The following POTEC variants were observed in gnomAD, a reference collection of about 807,000 sequenced individuals.
POTEC encodes ANKRD26-like family B member 2.
POTEC carries 35 observed loss-of-function variants against 62.0 expected under a neutral mutation model. That is an observed-to-expected ratio of 0.56 (90% confidence interval 0.43 to 0.75). POTEC has a LOEUF of 0.75. Ranked by LOEUF, POTEC falls within the 30% of genes least tolerant of loss-of-function variation. The probability of loss-of-function intolerance (pLI) is 0.00; values close to 1 mark genes in which losing one functional copy is unlikely to be tolerated. For synonymous variants in POTEC, 156 were observed against 221.5 expected, an observed-to-expected ratio of 0.70 and a Z score of 2.62; for missense variants, 472 against 655.9, an observed-to-expected ratio of 0.72 and a Z score of 3.06.
chr18:14,542,423 T>C (rs1248690625), intron 1 of POTEC, among the ~76,000 whole-genome samples: 10 of 152,194 alleles, frequency 6.6e-5, no homozygotes, highest in Non-Finnish European at 1.0e-4. Flanking sequence ...AGGGAAATTA[T>C]AATTGGATTG....
In POTEC at chr18:14,537,222, A is replaced by C. The variant is rs995787169; in HGVS notation, c.810+579T>G. On this transcript the variant is annotated intron_variant, in intron 3 of 10. Coordinates refer to ENST00000358970, the MANE Select transcript of POTEC (RefSeq NM_001137671.2). Reference sequence around the variant, plus strand: ...ACACACACACACACAAAAAAAAAAAAAAACAAAAAAAAACCTCTTCATGGT... The same window carrying C: ...ACACACACACACACAAAAAAAAAAACAAACAAAAAAAAACCTCTTCATGGT... Among the ~76,000 whole-genome samples the C allele has an allele frequency of 6.4e-3, 778 of 121,648 alleles. 16 individuals carry two copies. Among genetic ancestry groups the C allele is most frequent in the East Asian group, 0.035 (132 of 3,780 alleles). 79.8% of individuals were successfully genotyped at this position (121,648 alleles called of 152,430 possible).
chr18:14,535,717 AG>A (rs1052403397), intron 3 of POTEC, among the ~76,000 whole-genome samples: 18 of 152,200 alleles, frequency 1.2e-4, no homozygotes, highest in African/African-American at 4.1e-4. Flanking sequence ...TTGAAAAAAA[AG>A]GTTTAGAATT....
chr18:14,542,601 C>T (rs1905977165), intron 1 of POTEC, 25 bp downstream of exon 1: 1 of 1,612,000 alleles, frequency 6.2e-7, no homozygotes, highest in South Asian at 1.1e-5. Context: ...CATGTCCCGC[C>T]TCCTCCCATC....
At chr18:14,522,086 T>C (rs1418480310) in intron 9 of POTEC, among the ~76,000 whole-genome samples, 168 bp downstream of exon 9, 1 of 151,140 alleles carries the variant, frequency 6.6e-6, no homozygotes, top group Non-Finnish European at 1.5e-5. Context: ...AATTAATGAC[T>C]GGAAAAAACA....
chr18:14,533,748 C>G (rs1299565096), intron 4 of POTEC, among the ~76,000 whole-genome samples: 2 of 152,120 alleles, frequency 1.3e-5, no homozygotes, highest in African/African-American at 4.8e-5. Context: ...ATATATTCTC[C>G]TACTTTTCAC....
At chr18:14,534,293 T>C (rs1386742287) in intron 4 of POTEC, among the ~76,000 whole-genome samples, 2 of 151,536 alleles carry the variant, frequency 1.3e-5, no homozygotes. Context: ...CACTTAAAAC[T>C]ATCTTCACTC....
intron 9 of POTEC, among the ~76,000 whole-genome samples, chr18:14,516,860 T>A (rs1910176708): frequency 6.6e-6 from 1 of 151,724 alleles, no homozygotes; most frequent in Non-Finnish European, 1.5e-5. Flanking sequence ...TTAAATGAGG[T>A]AAAGTTGTAT....
At chr18:14,521,929 A>T (rs931030427) in intron 9 of POTEC, among the ~76,000 whole-genome samples, 1 of 152,164 alleles carries the variant, frequency 6.6e-6, no homozygotes, top group African/African-American at 2.4e-5. Context: ...TGGCTGATGA[A>T]ATAATCTGTA....
intron 6 of POTEC, among the ~76,000 whole-genome samples, chr18:14,527,426 G>A (rs1452678978): frequency 6.6e-6 from 1 of 152,046 alleles, no homozygotes; most frequent in East Asian, 1.9e-4. Context: ...GGCACTCTAG[G>A]ACTGACTTTG....
Position 14,514,705 on chromosome 18 carries a change from G to A in POTEC, c.1410-920C>T, listed in dbSNP as rs1598476214. 7.3e-5 allele frequency among the ~76,000 whole-genome samples: 11 copies of A among 151,352 alleles called. No homozygotes were observed. The South Asian group carries it at 2.3e-3, about 32-fold the overall frequency. On this transcript the variant is annotated intron_variant, in intron 9 of 10. Transcript: ENST00000358970. Reference sequence around the variant, plus strand: ...AAGAAGAAAACTGGGAAGCCCTAAGGCAGAGCAATTGGGCAAGAGAAATAA... The same window carrying A: ...AAGAAGAAAACTGGGAAGCCCTAAGACAGAGCAATTGGGCAAGAGAAATAA...
chr18:14,515,102 T>C (rs79021445), intron 9 of POTEC, among the ~76,000 whole-genome samples: 23,423 of 151,896 alleles, frequency 0.15, 2,249 homozygotes, highest in East Asian at 0.44. Context: ...ACTGAAAGCA[T>C]TGATATTGTG....
chr18:14,542,205 T>C (rs191148745), intron 1 of POTEC, among the ~76,000 whole-genome samples: 3 of 152,368 alleles, frequency 2.0e-5, no homozygotes, highest in East Asian at 3.9e-4. Flanking sequence ...CGTATTTACA[T>C]AGGGCACATC....
At chr18:14,531,096 G>A (rs945207917) in intron 5 of POTEC, among the ~76,000 whole-genome samples, 4 of 152,066 alleles carry the variant, frequency 2.6e-5, no homozygotes, top group African/African-American at 7.2e-5. Context: ...ATATGCAAAT[G>A]CTGTAGTTTT....
intron 6 of POTEC, among the ~76,000 whole-genome samples, chr18:14,526,810 A>C (rs1910449204): frequency 6.6e-6 from 1 of 152,128 alleles, no homozygotes; most frequent in South Asian, 2.1e-4. Context: ...ATTAACGTTC[A>C]AGAGTGGTCC....
At chr18:14,541,898 C>T (rs1905945700) in intron 1 of POTEC, among the ~76,000 whole-genome samples, 1 of 152,174 alleles carries the variant, frequency 6.6e-6, no homozygotes. Flanking sequence ...CTATTCTGTT[C>T]TGTTCATTTA....
At position 14,530,424 on chromosome 18, in the gene POTEC, C is replaced by T. The variant is rs1482071155; in HGVS notation, c.1126+59G>A. On this transcript the variant is annotated intron_variant, in intron 6 of 10. Coordinates refer to ENST00000358970, the MANE Select transcript of POTEC (RefSeq NM_001137671.2). The stretch of plus-strand genomic sequence containing the variant: ...ACACTGTCTTCCACAAAACTGGTCC[C>T]TGCTGCCAAAAACATTGTGGACAAC... The T allele has an allele frequency of 1.9e-6, 3 of 1,598,590 alleles. No individual in the cohort carries two copies. The African/African-American group carries it at 4.0e-5, about 21-fold the overall frequency.
chr18:14,525,655 T>C (rs557800865), intron 6 of POTEC, among the ~76,000 whole-genome samples: 2 of 151,892 alleles, frequency 1.3e-5, no homozygotes, highest in East Asian at 2.0e-4. Flanking sequence ...AGTTTGCCTA[T>C]ATAAGCCAAG....
In POTEC at chr18:14,508,360, T is replaced by G. The variant is rs1246694736; in HGVS notation, c.*3538A>C. 1 of 152,656 alleles carries G rather than the reference T, an allele frequency of 6.6e-6. No homozygotes were observed. Among genetic ancestry groups the G allele is most frequent in the Non-Finnish European group, 1.5e-5 (1 of 68,058 alleles). 9.5% of individuals were successfully genotyped at this position (152,656 alleles called of 1,614,324 possible). A position where few individuals can be genotyped will look rare whatever the true frequency, so the allele number is the denominator to read the frequency against. On this transcript the variant is annotated 3_prime_UTR_variant, in exon 11 of 11. Coordinates refer to ENST00000358970, the MANE Select transcript of POTEC (RefSeq NM_001137671.2). ...CTTTCCTCTTCTTGGTCTATTCTGT[T>G]AGATGGTCTTGCACATGAGATGGAG... is the stretch of plus-strand genomic sequence containing the variant.
intron 6 of POTEC, among the ~76,000 whole-genome samples, chr18:14,526,667 G>A (rs1244409111): frequency 6.6e-6 from 1 of 152,080 alleles, no homozygotes; most frequent in Admixed American, 6.6e-5. Flanking sequence ...GCAATAGAAG[G>A]AGGAGTGAGT....
Sources: gnomAD v4.1 joint callset for allele counts (sites outside exome capture counted in the v4.1 genomes callset) on GRCh38, gnomAD v4.1.1 for gene constraint, MANE v1.5 for transcripts, NCBI Gene and HGNC (gene_info 2026-07-23, HGNC 2026-07-21) for gene names.